RAD23B: variants seen among roughly 807,000 people sequenced by gnomAD.
RAD23B encodes lysine-specific demethylase RAD23B.
A neutral mutation model predicts 49.1 loss-of-function variants in RAD23B; 5 were observed. The ratio of observed to expected loss-of-function variants is 0.10; its 90% CI spans 0.05 to 0.21. RAD23B has a LOEUF of 0.21. Among genes scored for constraint, RAD23B ranks in the 10% least tolerant of loss-of-function variants. The pLI is 1.00. For synonymous variants in RAD23B, 184 were observed against 165.4 expected, an observed-to-expected ratio of 1.11 and a Z score of -0.86; for missense variants, 356 against 486.7, an observed-to-expected ratio of 0.73 and a Z score of 2.53.
In RAD23B at chr9:107,322,086, C is replaced by T. The variant is rs372514872; in HGVS notation, c.785C>T (p.Thr262Met). Residue 262 changes from threonine (T) to methionine (M), a missense_variant, in exon 7 of 10, where the codon ACG (threonine) becomes ATG (methionine). Physicochemically the swap from Thr to Met is moderately conservative, Grantham distance 81 (BLOSUM62 -1). Around this residue, in one of 5 missense-constraint regions of RAD23B, gnomAD observed 148 missense variants for 231.7 expected, o/e 0.64. Transcript: ENST00000358015. ...SSAVAAAAAT[T>M]TATTTTTSSG... ...GCAGTGGCTGCAGCTGCAGCAACTA[C>T]GACAGCAACAACTACAACAACAAGT... is the stretch of plus-strand genomic sequence containing the variant. 43 of 1,609,734 alleles carry T rather than the reference C, an allele frequency of 2.7e-5. No individual in the cohort carries two copies. The highest frequency in any genetic ancestry group is 3.3e-4 in the Middle Eastern group (2 of 6,050).
intron 1 of RAD23B, among the ~76,000 whole-genome samples, chr9:107,299,926 T>C (rs1197397874): frequency 6.6e-6 from 1 of 152,174 alleles, no homozygotes; most frequent in African/African-American, 2.4e-5. Flanking sequence ...AAAATCTGTG[T>C]GTATCAGATG....
chr9:107,322,802 A>G (rs1013366661), intron 7 of RAD23B, among the ~76,000 whole-genome samples: 1 of 152,268 alleles, frequency 6.6e-6, no homozygotes, highest in Admixed American at 6.5e-5. Context: ...GACAAAGGTC[A>G]CTCAGTGCTT....
intron 5 of RAD23B, among the ~76,000 whole-genome samples, chr9:107,315,056 G>A (rs1826963906): frequency 6.6e-6 from 1 of 152,118 alleles, no homozygotes; most frequent in Non-Finnish European, 1.5e-5. Flanking sequence ...GCCTAAGCCA[G>A]TGTCCAGAAG....
intron 1 of RAD23B, chr9:107,284,949 ATTAT>A: frequency 7.7e-7 from 1 of 1,301,722 alleles, no homozygotes; most frequent in Non-Finnish European, 1.0e-6. Flanking sequence ...AATGGAATCG[ATTAT>A]TTAAACAATG....
intron 3 of RAD23B, among the ~76,000 whole-genome samples, chr9:107,305,424 T>C (rs1037892447): frequency 6.6e-6 from 1 of 152,146 alleles, no homozygotes; most frequent in African/African-American, 2.4e-5. Context: ...GAGAAAGGGT[T>C]GGTATTGCGG....
chr9:107,324,842 C>T lies in RAD23B; in HGVS notation c.954C>T (p.Ser318=). The part of the protein sequence containing the change: ...RENPQLLQQI[S]QHQEHFIQML... ...CCTTCATATCACCACAGCAAATTAG[C>T]CAACACCAGGAGCATTTTATTCAGA... The change falls in exon 9 of 10, where the codon AGC becomes AGT. Residue 318 remains serine (S), a synonymous_variant. Transcript: ENST00000358015. 6.2e-7 allele frequency: 1 copy of T among 1,603,578 alleles called. No homozygotes were observed.
At chr9:107,305,687 T>C (rs886838624) in intron 3 of RAD23B, among the ~76,000 whole-genome samples, 5 of 152,158 alleles carry the variant, frequency 3.3e-5, no homozygotes, top group African/African-American at 7.2e-5. Flanking sequence ...CTGAAAGTAT[T>C]GTGAACCTTT....
intron 1 of RAD23B, among the ~76,000 whole-genome samples, chr9:107,299,181 A>G (rs755638656): frequency 6.6e-6 from 1 of 152,206 alleles, no homozygotes; most frequent in Non-Finnish European, 1.5e-5. Flanking sequence ...AGTACACACC[A>G]TCACTTTTTA....
intron 1 of RAD23B, among the ~76,000 whole-genome samples, chr9:107,299,175 C>T (rs1289345840): frequency 6.6e-6 from 1 of 152,046 alleles, no homozygotes; most frequent in Non-Finnish European, 1.5e-5. Flanking sequence ...CTTTGAAGTA[C>T]ACACCATCAC....
chr9:107,299,789 A>T (rs957924181), intron 1 of RAD23B, among the ~76,000 whole-genome samples: 2 of 152,172 alleles, frequency 1.3e-5, no homozygotes, highest in African/African-American at 4.8e-5. Context: ...TTTATTTCTT[A>T]GATTTTTTAG....
At position 107,318,722 on chromosome 9, in the gene RAD23B, CT is replaced by C. The variant is rs747384399; in HGVS notation, c.554-23del. 42 of 1,581,430 alleles carry C rather than the reference CT, an allele frequency of 2.7e-5. No homozygotes were observed. The highest frequency in any genetic ancestry group is 4.5e-5 in the East Asian group (2 of 44,074). ...GAGAATGCTTATTTATTAAATGTTC[CT>C]TTTTTTCCCCTCCACCCTCCCTTTT... On this transcript the variant is annotated intron_variant, in intron 5 of 9. Coordinates refer to ENST00000358015, the MANE Select transcript of RAD23B (RefSeq NM_002874.5). The surrounding 1 kb of genome is among the most constrained non-coding windows in gnomAD (Gnocchi z 4.3).
rs773326545 is a variant in RAD23B at position 107,304,358 on chromosome 9, ACT to A, written c.229-2018_229-2017del. Among the ~76,000 whole-genome samples, 237 of 152,290 alleles carry A rather than the reference ACT, an allele frequency of 1.6e-3. 1 individual carries two copies. Among genetic ancestry groups the A allele is most frequent in the Non-Finnish European group, 2.1e-3 (145 of 68,016 alleles). On this transcript the variant is annotated intron_variant, in intron 3 of 9. Transcript: ENST00000358015. ...TTATTATAAAGTTTTGGTGCTTAAG[ACT>A]CTAAATTTTCACCTTTGTGAAGCTC...
At chr9:107,286,056 A>G (rs1833267820) in intron 1 of RAD23B, among the ~76,000 whole-genome samples, 1 of 152,238 alleles carries the variant, frequency 6.6e-6, no homozygotes, top group Non-Finnish European at 1.5e-5. Context: ...TAGATCTAAA[A>G]TAAGATAGGA....
At chr9:107,328,003 C>CT (rs1210917908) in intron 9 of RAD23B, among the ~76,000 whole-genome samples, 2 of 152,048 alleles carry the variant, frequency 1.3e-5, no homozygotes, top group Admixed American at 6.5e-5. Flanking sequence ...CATTCTAGCT[C>CT]TTTTTTGGTT....
rs2133097281 is a variant in RAD23B at position 107,324,127 on chromosome 9, A to C, written c.945+110A>C. The C allele has an allele frequency of 2.5e-6, 3 of 1,224,230 alleles. No homozygotes were observed. The East Asian group carries it at 7.3e-5, about 30-fold the overall frequency. 75.8% of individuals were successfully genotyped at this position (1,224,230 alleles called of 1,614,324 possible). A position where few individuals can be genotyped will look rare whatever the true frequency, so the allele number is the denominator to read the frequency against. On this transcript the variant is annotated intron_variant, in intron 8 of 9. Coordinates refer to ENST00000358015, the MANE Select transcript of RAD23B (RefSeq NM_002874.5). Reference sequence around the variant, plus strand: ...ATACAACTCTGTATTTGAGAATGTGAATGTTTTCTTCCAAGCTACACTTAG... The same window carrying C: ...ATACAACTCTGTATTTGAGAATGTGCATGTTTTCTTCCAAGCTACACTTAG...
In RAD23B at chr9:107,311,983, G is replaced by A. The variant is rs577711488; in HGVS notation, c.553+246G>A. On this transcript the variant is annotated intron_variant, in intron 5 of 9. Transcript: ENST00000358015. The stretch of plus-strand genomic sequence containing the variant: ...TAAAGCAAATAAATTTCCATTTTCC[G>A]GATGTGAATTTTAAATGTGATCCTA... 3.3e-5 allele frequency among the ~76,000 whole-genome samples: 5 copies of A among 152,214 alleles called. No homozygotes were observed. The South Asian group carries it at 1.0e-3, about 32-fold the overall frequency.
chr9:107,295,184 G>T (rs979919496), intron 1 of RAD23B, among the ~76,000 whole-genome samples: 13 of 152,056 alleles, frequency 8.5e-5, no homozygotes, highest in African/African-American at 2.7e-4. Context: ...TAGTTGGTTT[G>T]GGATTATGAA....
chr9:107,316,239 C>T (rs1826992245), intron 5 of RAD23B, among the ~76,000 whole-genome samples: 1 of 152,106 alleles, frequency 6.6e-6, no homozygotes, highest in Non-Finnish European at 1.5e-5. Flanking sequence ...TCTCGATCTC[C>T]TGATCTCGTG....
Position 107,308,272 on chromosome 9 carries a change from G to A in RAD23B, c.497+1625G>A, listed in dbSNP as rs577084881. ...CTTGCTCTGCCACCCAGGCAGGAGT[G>A]CAGTGGCGTGACCTCGGCTCACTAC... On this transcript the variant is annotated intron_variant, in intron 4 of 9. Coordinates refer to ENST00000358015, the MANE Select transcript of RAD23B (RefSeq NM_002874.5). Among the ~76,000 whole-genome samples the A allele has an allele frequency of 2.0e-5, 3 of 151,022 alleles. No individual in the cohort carries two copies. In the South Asian group the frequency reaches 6.3e-4, roughly 31 times the overall value.
Sources: gnomAD v4.1 joint callset for allele counts (sites outside exome capture counted in the v4.1 genomes callset) on GRCh38, gnomAD v4.1.1 for gene constraint, gnomAD v4.1.1 regional missense constraint, Gnocchi (gnomAD v3.1) non-coding constraint, MANE v1.5 for transcripts, NCBI Gene and HGNC (gene_info 2026-07-23, HGNC 2026-07-21) for gene names.